CDKL5: variants seen among roughly 807,000 people sequenced by gnomAD.
CDKL5 encodes the protein cyclin-dependent kinase-like 5.
A neutral mutation model predicts 61.7 loss-of-function variants in CDKL5; 8 were observed. The observed-to-expected ratio is 0.13, with a 90% CI of 0.08 to 0.23. CDKL5 has a LOEUF of 0.23. CDKL5 is among the 10% of genes least tolerant of loss of function. The pLI, the probability that CDKL5 is intolerant of heterozygous loss-of-function variation, is 1.00. For missense variants in CDKL5, 440 were observed against 734.5 expected (o/e 0.60, Z 4.63); for synonymous variants, 275 against 272.3 (o/e 1.01, Z -0.10).
At chrX:18,435,660 G>C (rs1274491797) in intron 1 of CDKL5, among the ~76,000 whole-genome samples, 1 of 111,373 alleles carries the variant, frequency 9.0e-6, no homozygotes, top group African/African-American at 3.3e-5. Context: ...TCCGCCTCTT[G>C]GGTTCAAGCG....
chrX:18,574,360 C>T (rs1352725150), intron 4 of CDKL5, among the ~76,000 whole-genome samples: 1 of 111,345 alleles, frequency 9.0e-6, no homozygotes, highest in Non-Finnish European at 1.9e-5. Flanking sequence ...AGTGAATTTG[C>T]CCCAAACTTA....
intron 1 of CDKL5, among the ~76,000 whole-genome samples, chrX:18,460,521 C>T (rs974823192): frequency 1.8e-5 from 2 of 110,576 alleles, no homozygotes; most frequent in Non-Finnish European, 3.8e-5. Flanking sequence ...TTTTTGGAGA[C>T]AGGGTCTCAC....
At chrX:18,539,208 A>G (rs1303928047) in intron 3 of CDKL5, among the ~76,000 whole-genome samples, 1 of 110,519 alleles carries the variant, frequency 9.0e-6, no homozygotes, top group Non-Finnish European at 1.9e-5. Flanking sequence ...TCTGTTTTCA[A>G]TTTCATTTAT....
chrX:18,485,584 G>A (rs1921761415), intron 1 of CDKL5, among the ~76,000 whole-genome samples: 1 of 111,994 alleles, frequency 8.9e-6, no homozygotes, highest in Admixed American at 9.5e-5. Context: ...GTAGCATCCA[G>A]TCTACGAAAC....
In CDKL5 at chrX:18,514,072, G is replaced by T. The variant is rs189562620; in HGVS notation, c.99+3218G>T. On this transcript the variant is annotated intron_variant, in intron 3 of 17. Transcript: ENST00000623535. ...TTAATTCTTAGCATGTTGTATATTT[G>T]AACAAGTATAGAAGAAAGTCACTTT... Among the ~76,000 whole-genome samples the T allele has an allele frequency of 3.6e-5, 4 of 111,191 alleles. No individual in the cohort carries two copies. In the Admixed American group the frequency reaches 3.8e-4, roughly 11 times the overall value.
intron 4 of CDKL5, among the ~76,000 whole-genome samples, chrX:18,573,241 A>AAC (rs1336304102): frequency 4.5e-5 from 5 of 111,738 alleles, no homozygotes; most frequent in African/African-American, 1.6e-4. Context: ...GTCTCTTGTT[A>AAC]AATTAGTCCC....
chrX:18,553,065 G>A (rs1308485715), intron 3 of CDKL5, among the ~76,000 whole-genome samples: 1 of 111,330 alleles, frequency 9.0e-6, no homozygotes, highest in Non-Finnish European at 1.9e-5. Flanking sequence ...TTGACCAGGG[G>A]TAGGAGGAGC....
intron 1 of CDKL5, among the ~76,000 whole-genome samples, chrX:18,431,921 T>TG (rs1391796572): frequency 9.3e-6 from 1 of 107,669 alleles, no homozygotes; most frequent in Non-Finnish European, 1.9e-5. Flanking sequence ...GACCTCTCCT[T>TG]TTTTTGAGAC....
At chrX:18,454,942 G>T in intron 1 of CDKL5, among the ~76,000 whole-genome samples, 1 of 99,773 alleles carries the variant, frequency 1.0e-5, no homozygotes, top group Admixed American at 1.1e-4. Context: ...ACGCAGGCTG[G>T]AGGGCAGTGG....
chrX:18,618,795 C>G (rs940637614), intron 15 of CDKL5, among the ~76,000 whole-genome samples: 4 of 110,416 alleles, frequency 3.6e-5, no homozygotes, highest in African/African-American at 1.3e-4. Flanking sequence ...ATGGTAAAAC[C>G]CTGTCTCTAC....
intron 7 of CDKL5, among the ~76,000 whole-genome samples, 188 bp downstream of exon 7, chrX:18,582,138 A>G (rs905212242): frequency 9.0e-6 from 1 of 111,572 alleles, no homozygotes; most frequent in Non-Finnish European, 1.9e-5. Flanking sequence ...AGTATTGTCT[A>G]TTTTTAAAAT....
At chrX:18,470,120 T>C (rs1026432972) in intron 1 of CDKL5, among the ~76,000 whole-genome samples, 4 of 110,917 alleles carry the variant, frequency 3.6e-5, no homozygotes, top group African/African-American at 1.3e-4. Flanking sequence ...GCGGATCACC[T>C]GAGGTCAGGA....
At position 18,559,867 on chromosome X, in the gene CDKL5, AGTGAGAACATGCGGTGTTTG is replaced by A. The variant is rs1394778319; in HGVS notation, c.100-4607_100-4588del. On this transcript the variant is annotated intron_variant, in intron 3 of 17. Coordinates refer to ENST00000623535, the MANE Select transcript of CDKL5 (RefSeq NM_001323289.2). The stretch of plus-strand genomic sequence containing the variant: ...TCTCATTGTTCAGTTCCCATCTATG[AGTGAGAACATGCGGTGTTTG>A]GTTTTTTGTTCTTGCGATAGTTTGC... Among the ~76,000 whole-genome samples the A allele has an allele frequency of 4.1e-5, 4 of 97,227 alleles. No individual in the cohort carries two copies. In the Admixed American group the frequency reaches 5.1e-4, roughly 13 times the overall value. 84.4% of individuals were successfully genotyped at this position (97,227 alleles called of 115,157 possible).
Position 18,628,810 on chromosome X carries a change from G to GA in CDKL5, c.*56dup. ...CAGACAAGCCAGTGGGGAGGGGTGG[G>GA]AAAGGGTGGGCTGGGCTTGGGGCAT... On this transcript the variant is annotated 3_prime_UTR_variant, in exon 18 of 18. Coordinates refer to ENST00000623535, the MANE Select transcript of CDKL5 (RefSeq NM_001323289.2). 1.5e-5 allele frequency: 1 copy of GA among 65,053 alleles called. No individual in the cohort carries two copies. The highest frequency in any genetic ancestry group is 4.9e-4 in the South Asian group (1 of 2,024). 5.4% of individuals were successfully genotyped at this position (65,053 alleles called of 1,213,427 possible).
chrX:18,429,007 T>A (rs939492887), intron 1 of CDKL5, among the ~76,000 whole-genome samples: 1 of 111,371 alleles, frequency 9.0e-6, no homozygotes, highest in Non-Finnish European at 1.9e-5. Context: ...AATTTTTTTT[T>A]ATGTGTGTAG....
rs961307643 is a variant in CDKL5 at position 18,572,316 on chromosome X, G to A, written c.146-3038G>A. Among the ~76,000 whole-genome samples the A allele has an allele frequency of 2.7e-5, 3 of 111,951 alleles. No homozygotes were observed. The Admixed American group carries it at 2.8e-4, about 11-fold the overall frequency. ...TCCTGATGCAGCCATTCTGAAGAGG[G>A]TTTATTCATTAGCAAAGTGAAACTG... On this transcript the variant is annotated intron_variant, in intron 4 of 17. Transcript: ENST00000623535.
At chrX:18,490,956 A>G (rs1182823071) in intron 1 of CDKL5, among the ~76,000 whole-genome samples, 1 of 112,221 alleles carries the variant, frequency 8.9e-6, no homozygotes, top group Non-Finnish European at 1.9e-5. Context: ...CATGCCTCGC[A>G]AAGTTGCTGC....
At chrX:18,613,094 A>T (rs1373040051) in intron 14 of CDKL5, 58 bp from the exon 15 acceptor site, 3 of 140,587 alleles carry the variant, frequency 2.1e-5, no homozygotes, top group African/African-American at 4.2e-5. Flanking sequence ...GACTCTGTCT[A>T]AAAAAAAAAA....
intron 2 of CDKL5, among the ~76,000 whole-genome samples, chrX:18,508,736 C>T (rs914343655): frequency 2.7e-5 from 3 of 109,777 alleles, no homozygotes; most frequent in African/African-American, 1.0e-4. Flanking sequence ...ACTACCATTG[C>T]TGTATGTTTC....
Sources: gnomAD v4.1 joint callset for allele counts (sites outside exome capture counted in the v4.1 genomes callset) on GRCh38, gnomAD v4.1.1 for gene constraint, MANE v1.5 for transcripts, NCBI Gene and HGNC (gene_info 2026-07-23, HGNC 2026-07-21) for gene names.